The following KYNU variants were observed in gnomAD, a reference collection of about 807,000 sequenced individuals.
KYNU encodes the protein L-kynurenine hydrolase.
A neutral mutation model predicts 59.2 loss-of-function variants in KYNU; 54 were observed. The observed-to-expected ratio is 0.91, with a 90% CI of 0.73 to 1.14. The LOEUF is 1.14. Among genes scored for constraint, KYNU ranks in the 50% most tolerant of loss-of-function variants. The probability of loss-of-function intolerance (pLI) is 0.00; values close to 1 mark genes in which losing one functional copy is unlikely to be tolerated. For synonymous variants in KYNU, 177 were observed against 192.0 expected, an observed-to-expected ratio of 0.92 and a Z score of 0.65; for missense variants, 567 against 554.4, an observed-to-expected ratio of 1.02 and a Z score of -0.23.
At chr2:142,945,439 A>G (rs1053285310) in intron 4 of KYNU, among the ~76,000 whole-genome samples, 1 of 152,232 alleles carries the variant, frequency 6.6e-6, no homozygotes, top group Non-Finnish European at 1.5e-5. Flanking sequence ...GATTGCAACA[A>G]TTCAGTCACA....
At chr2:142,934,864 A>G (rs945647106) in intron 4 of KYNU, among the ~76,000 whole-genome samples, 3 of 152,108 alleles carry the variant, frequency 2.0e-5, no homozygotes, top group South Asian at 2.1e-4. Flanking sequence ...TCCTCCGCAA[A>G]GGGGGCATGG....
rs1687253655 is a variant in KYNU at position 143,050,857 on chromosome 2, AT to A, written c.*8690del. 1 of 152,190 alleles carries A rather than the reference AT, an allele frequency of 6.6e-6. No homozygotes were observed. The highest frequency in any genetic ancestry group is 2.4e-5 in the African/African-American group (1 of 41,540). The allele number at this position is 152,190 out of a possible 1,614,324, so 9.4% of individuals were successfully genotyped here. A position where few individuals can be genotyped will look rare whatever the true frequency, so the allele number is the denominator to read the frequency against. ...AACATTGATTTTTTTAAGTAAATGG[AT>A]TTTTGCACCACTTCAAGAAAGAAAC... is the stretch of plus-strand genomic sequence containing the variant. On this transcript the variant is annotated 3_prime_UTR_variant, in exon 14 of 14. Transcript: ENST00000264170.
intron 8 of KYNU, among the ~76,000 whole-genome samples, chr2:142,981,732 T>A (rs1474539778): frequency 6.6e-6 from 1 of 152,258 alleles, no homozygotes; most frequent in East Asian, 1.9e-4. Flanking sequence ...ATTGTCCTTT[T>A]GTGAGATACT....
intron 8 of KYNU, among the ~76,000 whole-genome samples, chr2:142,970,592 T>C (rs1383315581): frequency 1.3e-5 from 2 of 152,108 alleles, no homozygotes; most frequent in East Asian, 1.9e-4. Flanking sequence ...AGTAGGTAAA[T>C]TGATGAATAA....
intron 8 of KYNU, among the ~76,000 whole-genome samples, chr2:142,972,202 C>T (rs535634903): frequency 2.0e-4 from 31 of 152,174 alleles, no homozygotes; most frequent in African/African-American, 7.5e-4. Context: ...CTCTTTCAAG[C>T]ATATACTTTA....
At chr2:143,030,330 G>A (rs1339673497) in intron 11 of KYNU, among the ~76,000 whole-genome samples, 3 of 152,160 alleles carry the variant, frequency 2.0e-5, no homozygotes, top group Non-Finnish European at 2.9e-5. Flanking sequence ...ACCATGCAGA[G>A]CTTCCTTTTC....
chr2:142,968,977 T>C (rs916809397), intron 8 of KYNU, among the ~76,000 whole-genome samples: 4 of 152,170 alleles, frequency 2.6e-5, no homozygotes, highest in Admixed American at 2.6e-4. Flanking sequence ...GATGAAGGTA[T>C]GAAAGGACAG....
intron 10 of KYNU, among the ~76,000 whole-genome samples, chr2:143,018,652 A>T (rs930939083): frequency 6.6e-6 from 1 of 151,346 alleles, no homozygotes; most frequent in African/African-American, 2.5e-5. Context: ...ATTTTAGAAT[A>T]GTTTTTTCTA....
intron 8 of KYNU, among the ~76,000 whole-genome samples, chr2:142,975,024 T>C (rs1174341334): frequency 2.6e-5 from 4 of 152,120 alleles, no homozygotes. Context: ...GCCACGGAAA[T>C]ACTGGTAGAA....
chr2:142,960,137 T>G (rs1478636361), intron 7 of KYNU, among the ~76,000 whole-genome samples: 7 of 152,222 alleles, frequency 4.6e-5, no homozygotes, highest in Admixed American at 2.6e-4. Flanking sequence ...TCTGCCCACC[T>G]TGGCATCCCA....
At chr2:143,034,064 A>G (rs1157531195) in intron 12 of KYNU, among the ~76,000 whole-genome samples, 2 of 151,826 alleles carry the variant, frequency 1.3e-5, no homozygotes, top group African/African-American at 4.8e-5. Context: ...GATTCCTTAG[A>G]TACTATTATT....
chr2:142,975,634 C>G (rs1488237933), intron 8 of KYNU, among the ~76,000 whole-genome samples: 2 of 152,194 alleles, frequency 1.3e-5, no homozygotes, highest in African/African-American at 2.4e-5. Flanking sequence ...CATGCTCCCC[C>G]TCCCACAAGC....
chr2:142,961,971 TATC>T (rs1398967958), intron 8 of KYNU, among the ~76,000 whole-genome samples: 4 of 152,244 alleles, frequency 2.6e-5, no homozygotes, highest in Non-Finnish European at 4.4e-5. Flanking sequence ...TTAGCACTGT[TATC>T]AGCAGTCTCT....
intron 8 of KYNU, among the ~76,000 whole-genome samples, chr2:142,971,716 T>C (rs1425357665): frequency 1.3e-5 from 2 of 152,248 alleles, no homozygotes; most frequent in African/African-American, 4.8e-5. Flanking sequence ...CAAGTGAATG[T>C]ATAAATGTGT....
At chr2:143,014,137 T>A (rs1458284302) in intron 10 of KYNU, among the ~76,000 whole-genome samples, 2 of 152,246 alleles carry the variant, frequency 1.3e-5, no homozygotes, top group Non-Finnish European at 2.9e-5. Context: ...ATGGCACCAA[T>A]TTGGGGCATG....
At chr2:142,920,211 A>G (rs1359637338) in intron 3 of KYNU, among the ~76,000 whole-genome samples, 1 of 152,224 alleles carries the variant, frequency 6.6e-6, no homozygotes, top group Non-Finnish European at 1.5e-5. Context: ...TAATTTATTA[A>G]TCATGTTATA....
chr2:142,891,861 A>G (rs149470223), intron 2 of KYNU, among the ~76,000 whole-genome samples: 6,277 of 152,316 alleles, frequency 0.041, 192 homozygotes, highest in South Asian at 0.12. Flanking sequence ...TCTAACTTTC[A>G]TAAGAAAACA....
chr2:143,013,298 C>CTCTCTGTGTGTGTGTGTGTGTG (rs72349700), intron 10 of KYNU, among the ~76,000 whole-genome samples: 3 of 149,468 alleles, frequency 2.0e-5, no homozygotes, highest in African/African-American at 7.4e-5. Context: ...GTCTCTTTCT[C>CTCTCTGTGTGTGTGTGTGTGTG]TGTGTGTGTG....
chr2:142,976,477 A>T (rs1266272685), intron 8 of KYNU, among the ~76,000 whole-genome samples: 1 of 152,166 alleles, frequency 6.6e-6, no homozygotes, highest in African/African-American at 2.4e-5. Flanking sequence ...ACACAAATAC[A>T]GTCATTCAGT....
Sources: allele counts gnomAD v4.1 joint callset (sites outside exome capture counted in the v4.1 genomes callset), GRCh38; gene constraint gnomAD v4.1.1; transcripts MANE v1.5; gene names NCBI Gene and HGNC (gene_info 2026-07-23, HGNC 2026-07-21).